FBXO34: variants seen among roughly 807,000 people sequenced by gnomAD.
The protein encoded by FBXO34 is F-box protein 34.
FBXO34 carries 12 observed loss-of-function variants against 24.5 expected under a neutral mutation model. The observed-to-expected ratio is 0.49, with a 90% confidence interval of 0.31 to 0.79. The LOEUF is 0.79. Ranked by LOEUF, FBXO34 falls within the 30% of genes least tolerant of loss-of-function variation. The pLI is 0.04. For synonymous variants in FBXO34, 320 were observed against 311.9 expected (o/e 1.03, Z -0.27); for missense variants, 823 against 857.7 (o/e 0.96, Z 0.51).
chr14:55,299,025 G>C, intron 1 of FBXO34: 1 of 1,607,698 alleles, frequency 6.2e-7, no homozygotes, highest in Non-Finnish European at 8.5e-7. Flanking sequence ...TGACCAGCAA[G>C]AACTTGGGGA....
the FBXO34 span, chr14:55,382,114 C>T: frequency 6.2e-7 from 1 of 1,614,064 alleles, no homozygotes; most frequent in Non-Finnish European, 8.5e-7. Context: ...GTAAGTTGTC[C>T]TCCGGGCTTC....
At chr14:55,320,131 CTT>C (rs1391605960) in intron 1 of FBXO34, among the ~76,000 whole-genome samples, 1 of 152,170 alleles carries the variant, frequency 6.6e-6, no homozygotes, top group Admixed American at 6.5e-5. Flanking sequence ...TTGCCATAAT[CTT>C]TTCTCAAAGC....
the FBXO34 span, among the ~76,000 whole-genome samples, chr14:55,420,068 TTTTG>T: frequency 3.9e-4 from 60 of 152,250 alleles, no homozygotes; most frequent in Admixed American, 5.2e-4. Flanking sequence ...TTAAGGTTTT[TTTTG>T]TTTGTTTGTT....
At chr14:55,410,642 A>G in the FBXO34 span, among the ~76,000 whole-genome samples, 3 of 152,268 alleles carry the variant, frequency 2.0e-5, no homozygotes, top group African/African-American at 7.2e-5. Context: ...AAGTGCGGGT[A>G]CATAGGTCCA....
chr14:55,429,766 CAAAAAAAAAAA>C, the FBXO34 span, among the ~76,000 whole-genome samples: 408 of 52,388 alleles, frequency 7.8e-3, 2 homozygotes, highest in African/African-American at 0.031. Flanking sequence ...AACTCCGTCT[CAAAAAAAAAAA>C]AAAAAAAAAA....
the FBXO34 span, among the ~76,000 whole-genome samples, chr14:55,422,001 A>G: frequency 9.2e-5 from 14 of 152,346 alleles, 1 homozygote; most frequent in East Asian, 2.7e-3. Context: ...AAATATAAAA[A>G]TTAAAGTAAT....
the FBXO34 span, among the ~76,000 whole-genome samples, chr14:55,438,591 A>G: frequency 3.3e-5 from 5 of 152,148 alleles, no homozygotes; most frequent in African/African-American, 9.7e-5. Context: ...ATGGCATTTT[A>G]TCAGGGAACA....
the FBXO34 span, among the ~76,000 whole-genome samples, chr14:55,435,278 A>ATTTT: frequency 7.5e-4 from 108 of 143,990 alleles, no homozygotes; most frequent in African/African-American, 8.9e-4. Context: ...GTCAGGTGAA[A>ATTTT]TTTTTTTTTT....
the FBXO34 span, chr14:55,440,480 CGGGTAAGA>C: frequency 6.2e-7 from 1 of 1,610,104 alleles, no homozygotes; most frequent in Non-Finnish European, 8.5e-7. Context: ...GGGGTGGGGG[CGGGTAAGA>C]GGGTAAGCGC....
chr14:55,420,198 G>A, the FBXO34 span, among the ~76,000 whole-genome samples: 2 of 152,336 alleles, frequency 1.3e-5, no homozygotes, highest in East Asian at 3.9e-4. Context: ...AGCCTCCTAA[G>A]TAGCTGGGAT....
chr14:55,436,427 A>T, the FBXO34 span: 1 of 847,538 alleles, frequency 1.2e-6, no homozygotes, highest in Non-Finnish European at 1.8e-6. Context: ...CAATCCATTT[A>T]GAACTGATAA....
At chr14:55,280,233 A>G (rs1048826530) in intron 1 of FBXO34, among the ~76,000 whole-genome samples, 5 of 152,228 alleles carry the variant, frequency 3.3e-5, no homozygotes, top group African/African-American at 1.2e-4. Context: ...TGGGAGAACC[A>G]GAAAAGTTGA....
At position 55,323,623 on chromosome 14, in the gene FBXO34, C is replaced by T. The variant is rs149858677; in HGVS notation, c.-10-26758C>T. Among the ~76,000 whole-genome samples the T allele has an allele frequency of 5.9e-5, 9 of 152,094 alleles. No individual in the cohort carries two copies. In the East Asian group the frequency reaches 7.8e-4, roughly 13 times the overall value. Reference sequence around the variant, plus strand: ...GTCTCAATCTCCTGACGTCATGATCCGCCTGCCTCAGCCTTCCAAAGTGCT... The same window carrying T: ...GTCTCAATCTCCTGACGTCATGATCTGCCTGCCTCAGCCTTCCAAAGTGCT... On this transcript the variant is annotated intron_variant, in intron 1 of 1. Transcript: ENST00000313833.
the FBXO34 span, chr14:55,385,868 G>T: frequency 1.2e-6 from 2 of 1,610,920 alleles, no homozygotes; most frequent in Non-Finnish European, 8.5e-7. Context: ...CCTCACACCC[G>T]TCTTTACTTC....
chr14:55,298,945 C>T, intron 1 of FBXO34: 1 of 1,582,842 alleles, frequency 6.3e-7, no homozygotes, highest in Non-Finnish European at 8.7e-7. Context: ...GGCTCTGCAG[C>T]CAAGGCCAAG....
chr14:55,400,914 A>T, the FBXO34 span, among the ~76,000 whole-genome samples: 1 of 70,936 alleles, frequency 1.4e-5, no homozygotes. Flanking sequence ...ATAAATAAAT[A>T]AAATAAAATA....
intron 1 of FBXO34, among the ~76,000 whole-genome samples, chr14:55,293,737 A>G (rs1321525126): frequency 1.3e-5 from 2 of 152,108 alleles, no homozygotes; most frequent in Non-Finnish European, 2.9e-5. Flanking sequence ...ATTGCCTGTC[A>G]TGTTCTTTTC....
At chr14:55,363,026 T>C (rs1233760017), downstream of FBXO34, among the ~76,000 whole-genome samples, 1,452 of 149,682 alleles carry the variant, frequency 9.7e-3, 15 homozygotes, top group Non-Finnish European at 0.014. Flanking sequence ...TCTCTCTCTT[T>C]TTTTTTTTTT....
In FBXO34 at chr14:55,320,699, G is replaced by A. The variant is rs561387269; in HGVS notation, c.-10-29682G>A. Among the ~76,000 whole-genome samples the A allele has an allele frequency of 7.9e-5, 12 of 152,234 alleles. 1 individual carries two copies. The highest frequency in any genetic ancestry group is 4.1e-4 in the South Asian group (2 of 4,832). On this transcript the variant is annotated intron_variant, in intron 1 of 1. Transcript: ENST00000313833. The stretch of plus-strand genomic sequence containing the variant: ...TGTGAACCCGGGAGGTGGAGCTTGC[G>A]GTAAGTCGAGATCTGCCACTGCACT...
Sources: allele counts gnomAD v4.1 joint callset (sites outside exome capture counted in the v4.1 genomes callset), GRCh38; gene constraint gnomAD v4.1.1; transcripts MANE v1.5; gene names NCBI Gene and HGNC (gene_info 2026-07-23, HGNC 2026-07-21).